ZNF362: variants seen among roughly 807,000 people sequenced by gnomAD.
ZNF362 encodes zinc finger protein 362, also known as rotund homolog.
ZNF362 carries 11 observed loss-of-function variants against 42.9 expected under a neutral mutation model. That is an observed-to-expected ratio of 0.26 (90% CI 0.16 to 0.42). ZNF362 has a LOEUF of 0.42. ZNF362 is among the 20% of genes least tolerant of loss of function. The pLI is 1.00. For missense variants in ZNF362, 362 were observed against 576.2 expected, an observed-to-expected ratio of 0.63 and a Z score of 3.81; for synonymous variants, 255 against 257.3, an observed-to-expected ratio of 0.99 and a Z score of 0.09.
chr1:33,247,865 C>T, the ZNF362 span, among the ~76,000 whole-genome samples: 19 of 152,298 alleles, frequency 1.2e-4, no homozygotes, highest in African/African-American at 3.6e-4. Flanking sequence ...TCCTTAGACT[C>T]GGTAGGAAAA....
chr1:33,268,685 C>G (rs1166728191), intron 1 of ZNF362, among the ~76,000 whole-genome samples: 1 of 152,014 alleles, frequency 6.6e-6, no homozygotes, highest in Non-Finnish European at 1.5e-5. Flanking sequence ...GAGGATGCAG[C>G]CTGTGGAAGG....
At chr1:33,271,951 G>T (rs914268791) in intron 2 of ZNF362, among the ~76,000 whole-genome samples, 3 of 152,212 alleles carry the variant, frequency 2.0e-5, no homozygotes, top group African/African-American at 7.2e-5. Flanking sequence ...GACTGTCAGG[G>T]AGAGGCCTGG....
At chr1:33,253,713 G>A (rs964143218), upstream of ZNF362, among the ~76,000 whole-genome samples, 4 of 152,060 alleles carry the variant, frequency 2.6e-5, no homozygotes, top group African/African-American at 9.7e-5. Context: ...TGTTCTAAGT[G>A]CCTAGAATGA....
chr1:33,159,741 C>T, the ZNF362 span: 2 of 1,612,802 alleles, frequency 1.2e-6, no homozygotes, highest in Non-Finnish European at 1.7e-6. The surrounding 1 kb of genome is among the most constrained non-coding windows in gnomAD (Gnocchi z 4.2). Flanking sequence ...CGGTTTCAGC[C>T]AGCCGCTCCT....
the ZNF362 span, among the ~76,000 whole-genome samples, chr1:33,199,086 G>A: frequency 6.6e-6 from 1 of 152,078 alleles, no homozygotes; most frequent in African/African-American, 2.4e-5. Context: ...GTCCCTTAAG[G>A]AGAGAAGGGA....
the ZNF362 span, among the ~76,000 whole-genome samples, chr1:33,248,203 A>C: frequency 6.6e-6 from 1 of 152,216 alleles, no homozygotes; most frequent in Non-Finnish European, 1.5e-5. Flanking sequence ...GAAGAAATTG[A>C]AGCCCAGAGA....
the ZNF362 span, chr1:33,181,660 G>A: frequency 3.4e-5 from 24 of 715,098 alleles, no homozygotes; most frequent in Non-Finnish European, 5.0e-5. The surrounding 1 kb of genome is among the most constrained non-coding windows in gnomAD (Gnocchi z 6.5). Flanking sequence ...CAGTCTAGAG[G>A]TAGTGGGCAG....
chr1:33,282,619 C>T (rs934269387), intron 6 of ZNF362, among the ~76,000 whole-genome samples: 1 of 152,082 alleles, frequency 6.6e-6, no homozygotes, highest in Non-Finnish European at 1.5e-5. Flanking sequence ...GTCAGGAGTT[C>T]ATGACCAGCC....
intron 2 of ZNF362, among the ~76,000 whole-genome samples, chr1:33,271,338 ACTT>A (rs1201227171): frequency 1.3e-5 from 2 of 152,224 alleles, no homozygotes; most frequent in East Asian, 1.9e-4. Flanking sequence ...GAATGCTCCC[ACTT>A]CTTCTCTGCC....
the ZNF362 span, among the ~76,000 whole-genome samples, chr1:33,127,828 G>A: frequency 5.9e-5 from 9 of 152,212 alleles, no homozygotes; most frequent in East Asian, 1.7e-3. Flanking sequence ...ATAATCAAGC[G>A]TGCCTACTGC....
intron 6 of ZNF362, among the ~76,000 whole-genome samples, chr1:33,292,421 C>T (rs956789732): frequency 2.0e-5 from 3 of 152,188 alleles, no homozygotes; most frequent in Non-Finnish European, 2.9e-5. Context: ...ATGAAGCCCA[C>T]TTGATCATGG....
the ZNF362 span, among the ~76,000 whole-genome samples, chr1:33,230,352 T>C: frequency 0.017 from 2,571 of 152,246 alleles, 86 homozygotes; most frequent in African/African-American, 0.058. Flanking sequence ...GCGCACCAAC[T>C]CATGGAATCC....
the ZNF362 span, among the ~76,000 whole-genome samples, chr1:33,245,745 C>T: frequency 6.6e-6 from 1 of 152,162 alleles, no homozygotes; most frequent in African/African-American, 2.4e-5. Flanking sequence ...TGAGACCACC[C>T]TAGGCAACAT....
chr1:33,239,020 G>A, the ZNF362 span, among the ~76,000 whole-genome samples: 1 of 152,292 alleles, frequency 6.6e-6, no homozygotes, highest in East Asian at 1.9e-4. Context: ...TTTCCCAGAA[G>A]GTGCTGGTTG....
At chr1:33,290,938 G>C (rs1646072941) in intron 6 of ZNF362, among the ~76,000 whole-genome samples, 1 of 152,134 alleles carries the variant, frequency 6.6e-6, no homozygotes, top group African/African-American at 2.4e-5. Context: ...AAATTTGTTT[G>C]AGTTCTTTGT....
chr1:33,180,830 C>A, the ZNF362 span, among the ~76,000 whole-genome samples: 1 of 149,172 alleles, frequency 6.7e-6, no homozygotes, highest in African/African-American at 2.5e-5. Context: ...GCCCCGCCCC[C>A]ACGGCCCCGC....
the ZNF362 span, among the ~76,000 whole-genome samples, chr1:33,158,825 CTCAGTTTTTT>C: frequency 1.8e-4 from 27 of 152,012 alleles, no homozygotes; most frequent in Admixed American, 5.3e-4. Context: ...TTTTCAGAGC[CTCAGTTTTTT>C]TCTTTTTTTT....
chr1:33,167,124 G>A, the ZNF362 span, among the ~76,000 whole-genome samples: 3 of 152,114 alleles, frequency 2.0e-5, no homozygotes, highest in Non-Finnish European at 2.9e-5. This position sits in a 1 kb window ranked among gnomAD's most constrained non-coding sequence, Gnocchi z 4.2. Context: ...AGTTTCTCAC[G>A]GTGACTCCTT....
chr1:33,179,213 G>A, the ZNF362 span, among the ~76,000 whole-genome samples: 20 of 152,260 alleles, frequency 1.3e-4, no homozygotes, highest in Non-Finnish European at 2.6e-4. Flanking sequence ...TGGCTCTGGG[G>A]GTGGAGGGCC....
Sources: allele counts gnomAD v4.1 joint callset (sites outside exome capture counted in the v4.1 genomes callset), GRCh38; gene constraint gnomAD v4.1.1; non-coding constraint Gnocchi (gnomAD v3.1); transcripts MANE v1.5; gene names NCBI Gene and HGNC (gene_info 2026-07-23, HGNC 2026-07-21).